The following SLC44A3 variants were observed in gnomAD, a reference collection of about 807,000 sequenced individuals.
The protein encoded by SLC44A3 is choline transporter-like protein 3.
A neutral mutation model predicts 75.4 loss-of-function variants in SLC44A3; 74 were observed. The ratio of observed to expected loss-of-function variants is 0.98; its 90% CI spans 0.81 to 1.19. The LOEUF is 1.19. Among genes scored for constraint, SLC44A3 ranks in the 50% most tolerant of loss-of-function variants. SLC44A3 has a pLI of 0.00. For synonymous variants in SLC44A3, 310 were observed against 296.9 expected, an observed-to-expected ratio of 1.04 and a Z score of -0.45; for missense variants, 700 against 778.6, an observed-to-expected ratio of 0.90 and a Z score of 1.20.
intron 10 of SLC44A3, among the ~76,000 whole-genome samples, chr1:94,861,145 G>T (rs1666524289): frequency 6.6e-6 from 1 of 152,160 alleles, no homozygotes; most frequent in African/African-American, 2.4e-5. Flanking sequence ...GATCAGTTGT[G>T]AATATTATTT....
chr1:94,878,239 A>T (rs983287925), intron 12 of SLC44A3, among the ~76,000 whole-genome samples: 16 of 148,040 alleles, frequency 1.1e-4, no homozygotes, highest in African/African-American at 3.8e-4. Context: ...TCTCACAAAA[A>T]AACCAAAACA....
chr1:94,868,070 T>A (rs1667366941), intron 12 of SLC44A3, among the ~76,000 whole-genome samples: 1 of 152,214 alleles, frequency 6.6e-6, no homozygotes, highest in Non-Finnish European at 1.5e-5. Flanking sequence ...GCCTTTAAAA[T>A]TATAAAAATT....
At chr1:94,853,424 A>C (rs1665464696) in intron 9 of SLC44A3, among the ~76,000 whole-genome samples, 1 of 152,228 alleles carries the variant, frequency 6.6e-6, no homozygotes, top group South Asian at 2.1e-4. Flanking sequence ...AAGAGGAAAG[A>C]GTCCACAGTA....
At chr1:94,832,885 T>G (rs777225709) in intron 5 of SLC44A3, among the ~76,000 whole-genome samples, 3 of 152,144 alleles carry the variant, frequency 2.0e-5, no homozygotes, top group Non-Finnish European at 4.4e-5. Context: ...GAGGATCTCT[T>G]GAGCCCAGGG....
chr1:94,889,646 G>T (rs938675565), intron 12 of SLC44A3, among the ~76,000 whole-genome samples: 25 of 151,986 alleles, frequency 1.6e-4, no homozygotes, highest in African/African-American at 6.0e-4. Flanking sequence ...TTGCATAGTT[G>T]TTTATAACAG....
At chr1:94,832,933 C>G (rs1001006836) in intron 5 of SLC44A3, among the ~76,000 whole-genome samples, 3 of 151,910 alleles carry the variant, frequency 2.0e-5, no homozygotes, top group Admixed American at 1.3e-4. Context: ...TGCCACTGCA[C>G]TCCAGCCTTG....
In SLC44A3 at chr1:94,828,570, C is replaced by T. The variant is rs776783466; in HGVS notation, c.493C>T (p.Leu165=). 1 of 1,613,806 alleles carries T rather than the reference C, an allele frequency of 6.2e-7. No individual in the cohort carries two copies. Among genetic ancestry groups the T allele is most frequent in the Admixed American group, 1.7e-5 (1 of 59,994 alleles). ...SPKADSLCPR[L]PVPPSKSFPL... ...AAAAGCAGACTCACTGTGTCCCAGG[C>T]TACCAGTTCCTCCAAGGTAAAAGCT... Residue 165 remains leucine, a synonymous_variant, in exon 5 of 15, where the codon CTA becomes TTA. Transcript: ENST00000271227.
At chr1:94,846,739 G>T (rs977332322) in intron 9 of SLC44A3, among the ~76,000 whole-genome samples, 1 of 152,230 alleles carries the variant, frequency 6.6e-6, no homozygotes, top group Non-Finnish European at 1.5e-5. Context: ...AGAGTAAGTG[G>T]CTTCCTGATA....
At chr1:94,878,031 G>A (rs1342544208) in intron 12 of SLC44A3, among the ~76,000 whole-genome samples, 2 of 152,194 alleles carry the variant, frequency 1.3e-5, no homozygotes, top group East Asian at 1.9e-4. Flanking sequence ...TCAGGAGATC[G>A]AGACCATCCT....
At chr1:94,885,537 A>G (rs1288036670) in intron 12 of SLC44A3, among the ~76,000 whole-genome samples, 1 of 152,200 alleles carries the variant, frequency 6.6e-6, no homozygotes, top group East Asian at 1.9e-4. Context: ...TCAATGGTGC[A>G]TCTCATGAGA....
chr1:94,887,928 T>C (rs1250616651), intron 12 of SLC44A3, among the ~76,000 whole-genome samples: 1 of 152,186 alleles, frequency 6.6e-6, no homozygotes, highest in Non-Finnish European at 1.5e-5. Context: ...CCTCCTCAGG[T>C]GCTTAAAGAG....
intron 12 of SLC44A3, among the ~76,000 whole-genome samples, chr1:94,879,838 C>CAA (rs763642670): frequency 0.012 from 733 of 60,802 alleles, 13 homozygotes; most frequent in African/African-American, 0.036. Context: ...GATTCTGTCT[C>CAA]AAAAAAAAAA....
At chr1:94,879,541 A>G (rs1370897047) in intron 12 of SLC44A3, among the ~76,000 whole-genome samples, 76 of 742 alleles carry the variant, frequency 0.1, no homozygotes, top group African/African-American at 0.11. Flanking sequence ...CAAAAAAAGA[A>G]AAAAAAAAAA....
intron 12 of SLC44A3, among the ~76,000 whole-genome samples, chr1:94,887,557 C>A (rs2101654214): frequency 6.6e-6 from 1 of 152,278 alleles, no homozygotes; most frequent in Non-Finnish European, 1.5e-5. Context: ...AAGTATAATA[C>A]CTTTTTAAAT....
intron 14 of SLC44A3, among the ~76,000 whole-genome samples, chr1:94,893,496 T>C (rs1169512216): frequency 6.6e-6 from 1 of 152,056 alleles, no homozygotes; most frequent in Non-Finnish European, 1.5e-5. Flanking sequence ...TTCTCCTGCC[T>C]CAGCCTCCCA....
intron 7 of SLC44A3, 126 bp from the exon 8 acceptor site, chr1:94,841,874 A>T: frequency 7.7e-7 from 1 of 1,295,020 alleles, no homozygotes; most frequent in Middle Eastern, 2.4e-4. Context: ...GGTATTTGGG[A>T]CCCACTGCCA....
At chr1:94,834,800 T>A (rs1193517686) in intron 5 of SLC44A3, among the ~76,000 whole-genome samples, 3 of 152,218 alleles carry the variant, frequency 2.0e-5, no homozygotes, top group African/African-American at 4.8e-5. Context: ...GATAAATCTT[T>A]ACTTCTTCCT....
intron 10 of SLC44A3, among the ~76,000 whole-genome samples, chr1:94,858,110 C>A (rs1011011293): frequency 1.3e-5 from 2 of 152,010 alleles, no homozygotes; most frequent in Admixed American, 1.3e-4. Context: ...CCGCACCTGG[C>A]TGCCATTCTT....
At chr1:94,821,859 TATC>T (rs1660638295) in intron 2 of SLC44A3, among the ~76,000 whole-genome samples, 1 of 152,196 alleles carries the variant, frequency 6.6e-6, no homozygotes, top group African/African-American at 2.4e-5. Context: ...GGCCCTAAAA[TATC>T]ATGTTTGTTC....
Sources: gnomAD v4.1 joint callset for allele counts (sites outside exome capture counted in the v4.1 genomes callset) on GRCh38, gnomAD v4.1.1 for gene constraint, MANE v1.5 for transcripts, NCBI Gene and HGNC (gene_info 2026-07-23, HGNC 2026-07-21) for gene names.